Variants in TMEM107 observed in about 807,000 individuals in gnomAD.
TMEM107 encodes the protein transmembrane protein 107.
In TMEM107, 18 loss-of-function variants were observed where a neutral mutation model predicts 16.8. The observed-to-expected ratio is 1.07, with a 90% confidence interval of 0.74 to 1.59. The LOEUF is 1.59. Among genes scored for constraint, TMEM107 ranks in the 40% most tolerant of loss-of-function variants. TMEM107 has a pLI of 0.00. For synonymous variants in TMEM107, 68 were observed against 71.6 expected (o/e 0.95, Z 0.25); for missense variants, 152 against 175.4 (o/e 0.87, Z 0.75).
In TMEM107 at chr17:8,173,799, G is replaced by C. The variant is rs995313292; in HGVS notation, c.*404C>G. On this transcript the variant is annotated 3_prime_UTR_variant, in exon 5 of 5. Coordinates refer to ENST00000437139, the MANE Select transcript of TMEM107 (RefSeq NM_183065.4). ...TTCCCAGAATGCTCCGATCAGTTAC[G>C]TGCCGGACGTTCTAACTGTACGCAC... 2 of 525,304 alleles carry C rather than the reference G, an allele frequency of 3.8e-6. No individual in the cohort carries two copies. The highest frequency in any genetic ancestry group is 3.9e-5 in the African/African-American group (2 of 51,860). The allele number at this position is 525,304 out of a possible 1,614,324, so 32.5% of individuals were successfully genotyped here.
At chr17:8,174,821 C>A (rs1983995909) in intron 3 of TMEM107, 1 of 579,590 alleles carries the variant, frequency 1.7e-6, no homozygotes. Flanking sequence ...CAGATCGGAC[C>A]TCAGGCTACC....
Position 8,173,475 on chromosome 17 carries a change from T to C in TMEM107, c.*728A>G, listed in dbSNP as rs569097222. ...AAGAATCAGACAGGAGCAATCAGGG[T>C]GTTGCAAGTCCTGATTACGCAGAGA... is the stretch of plus-strand genomic sequence containing the variant. On this transcript the variant is annotated 3_prime_UTR_variant, in exon 5 of 5. Coordinates refer to ENST00000437139, the MANE Select transcript of TMEM107 (RefSeq NM_183065.4). The C allele has an allele frequency of 1.3e-4, 102 of 764,692 alleles. No homozygotes were observed. Among genetic ancestry groups the C allele is most frequent in the South Asian group, 1.0e-3 (76 of 74,558 alleles). The allele number at this position is 764,692 out of a possible 1,614,324, so 47.4% of individuals were successfully genotyped here.
Position 8,174,090 on chromosome 17 carries a change from A to G in TMEM107, c.*113T>C. 1 of 845,874 alleles carries G rather than the reference A, an allele frequency of 1.2e-6. No homozygotes were observed. The highest frequency in any genetic ancestry group is 2.4e-5 in the East Asian group (1 of 41,346). 52.4% of individuals were successfully genotyped at this position (845,874 alleles called of 1,614,324 possible). ...GTAATTATTCCAACACATATCCTCC[A>G]GCAGAAGCAGTTTCCGAGGGGAAAA... On this transcript the variant is annotated 3_prime_UTR_variant, in exon 5 of 5. Coordinates refer to ENST00000437139, the MANE Select transcript of TMEM107 (RefSeq NM_183065.4).
In TMEM107 at chr17:8,173,135, G is replaced by A. The variant is rs1299123834; in HGVS notation, c.*1068C>T. The A allele has an allele frequency of 1.9e-5, 5 of 267,904 alleles. No homozygotes were observed. Among genetic ancestry groups the A allele is most frequent in the Middle Eastern group, 1.2e-3 (1 of 842 alleles). 16.6% of individuals were successfully genotyped at this position (267,904 alleles called of 1,614,324 possible). On this transcript the variant is annotated 3_prime_UTR_variant, in exon 5 of 5. Transcript: ENST00000437139. ...CAGTTCCTATTGAATACCATCCTGA[G>A]GGCAACCACCATGTGCACAAGACTG...
At position 8,174,178 on chromosome 17, in the gene TMEM107, C is replaced by T; in HGVS notation, c.*25G>A. The T allele has an allele frequency of 6.2e-7, 1 of 1,611,150 alleles. No individual in the cohort carries two copies. Among genetic ancestry groups the T allele is most frequent in the Non-Finnish European group, 8.5e-7 (1 of 1,177,290 alleles). The stretch of plus-strand genomic sequence containing the variant: ...CGGCCCTTGCCCCTGTAGGCTTCGT[C>T]CTTAGGTTCCCGTCATGAAGGTAAT... On this transcript the variant is annotated 3_prime_UTR_variant, in exon 5 of 5. Coordinates refer to ENST00000437139, the MANE Select transcript of TMEM107 (RefSeq NM_183065.4).
chr17:8,175,901 T>A, intron 2 of TMEM107, 44 bp from the exon 3 acceptor site: 3 of 1,614,094 alleles, frequency 1.9e-6, no homozygotes, highest in Non-Finnish European at 1.7e-6. Context: ...GGACTTATTC[T>A]AAGACCCCTC....
intron 3 of TMEM107, 173 bp from the exon 4 acceptor site, chr17:8,174,789 G>A (rs576347969): frequency 3.1e-6 from 2 of 635,838 alleles, no homozygotes; most frequent in Admixed American, 5.1e-5. Context: ...AGTCATGTGA[G>A]GAGAGACCAG....
At position 8,173,639 on chromosome 17, in the gene TMEM107, G is replaced by C. The variant is rs567583790; in HGVS notation, c.*564C>G. Reference sequence around the variant, plus strand: ...CTCAGTGAAAAAGATTCCGTTACAAGCTAGGGTGAGTTCATAACGCGCTGG... The same window carrying C: ...CTCAGTGAAAAAGATTCCGTTACAACCTAGGGTGAGTTCATAACGCGCTGG... On this transcript the variant is annotated 3_prime_UTR_variant, in exon 5 of 5. Coordinates refer to ENST00000437139, the MANE Select transcript of TMEM107 (RefSeq NM_183065.4). 5.4e-6 allele frequency: 4 copies of C among 738,014 alleles called. No homozygotes were observed. Among genetic ancestry groups the C allele is most frequent in the Non-Finnish European group, 1.0e-5 (4 of 400,208 alleles). The allele number at this position is 738,014 out of a possible 1,614,324, so 45.7% of individuals were successfully genotyped here.
intron 4 of TMEM107, 65 bp from the exon 5 acceptor site, chr17:8,174,337 G>T: frequency 6.7e-7 from 1 of 1,487,148 alleles, no homozygotes; most frequent in South Asian, 1.1e-5. Flanking sequence ...CCAAACCAGA[G>T]ACCCCACCTC....
rs1007785709 is a variant in TMEM107 at position 8,172,938 on chromosome 17, G to C, written c.*1265C>G. Among the ~76,000 whole-genome samples the C allele has an allele frequency of 6.7e-6, 1 of 150,044 alleles. No homozygotes were observed. Among genetic ancestry groups the C allele is most frequent in the Non-Finnish European group, 1.5e-5 (1 of 67,664 alleles). ...GAGAGGTCAATCTCAAGTCTGAAAAGTGACTCTGGATTTGGGAAGAAGTCA... is the reference window on the plus strand; with the variant it reads ...GAGAGGTCAATCTCAAGTCTGAAAACTGACTCTGGATTTGGGAAGAAGTCA... On this transcript the variant is annotated 3_prime_UTR_variant, in exon 5 of 5. Transcript: ENST00000437139.
rs1159996907 is a variant in TMEM107, at chr17:8,172,869, A to C, written c.*1334T>G. Among the ~76,000 whole-genome samples, 3 of 148,286 alleles carry C rather than the reference A, an allele frequency of 2.0e-5. No homozygotes were observed. Among genetic ancestry groups the C allele is most frequent in the Admixed American group, 1.3e-4 (2 of 14,866 alleles). ...TGAGACTGTCTCAAAAAAAAAAAAA[A>C]AAAAAACCAAAAGAGGGGGGTGGTC... is the stretch of plus-strand genomic sequence containing the variant. On this transcript the variant is annotated 3_prime_UTR_variant, in exon 5 of 5. Coordinates refer to ENST00000437139, the MANE Select transcript of TMEM107 (RefSeq NM_183065.4).
Position 8,173,620 on chromosome 17 carries a change from G to C in TMEM107, c.*583C>G, listed in dbSNP as rs1983866821. 1.3e-6 allele frequency: 1 copy of C among 749,644 alleles called. No individual in the cohort carries two copies. The highest frequency in any genetic ancestry group is 2.5e-6 in the Non-Finnish European group (1 of 407,284). 46.4% of individuals were successfully genotyped at this position (749,644 alleles called of 1,614,324 possible). A position where few individuals can be genotyped will look rare whatever the true frequency, so the allele number is the denominator to read the frequency against. On this transcript the variant is annotated 3_prime_UTR_variant, in exon 5 of 5. Coordinates refer to ENST00000437139, the MANE Select transcript of TMEM107 (RefSeq NM_183065.4). Reference sequence around the variant, plus strand: ...AAACAGCCGACATTCTGCACTCAGTGAAAAAGATTCCGTTACAAGCTAGGG... The same window carrying C: ...AAACAGCCGACATTCTGCACTCAGTCAAAAAGATTCCGTTACAAGCTAGGG...
chr17:8,173,960 C>G lies in TMEM107; in HGVS notation c.*243G>C. 1 of 518,564 alleles carries G rather than the reference C, an allele frequency of 1.9e-6. No individual in the cohort carries two copies. The highest frequency in any genetic ancestry group is 3.4e-6 in the Non-Finnish European group (1 of 292,258). The allele number at this position is 518,564 out of a possible 1,614,324, so 32.1% of individuals were successfully genotyped here. On this transcript the variant is annotated 3_prime_UTR_variant, in exon 5 of 5. Coordinates refer to ENST00000437139, the MANE Select transcript of TMEM107 (RefSeq NM_183065.4). ...GTTTTTTTTTTATTCAGTAGTTCAG[C>G]CATCTCAATTGTCCCCTAAAACTGT...
At position 8,176,007 on chromosome 17, in the gene TMEM107, C is replaced by A; in HGVS notation, c.107G>T (p.Cys36Phe). 2.5e-6 allele frequency: 4 copies of A among 1,614,194 alleles called. No homozygotes were observed. The highest frequency in any genetic ancestry group is 3.4e-6 in the Non-Finnish European group (4 of 1,180,038). ...FWSRDSNIQA[C>F]LPLTFTPEEY... ...CTCGGGGGTGAACGTGAGAGGCAGG[C>A]AGGCCTGTATGTTGCTGTCCTGGGA... Residue 36 changes from cysteine to phenylalanine, a missense_variant, in exon 2 of 5, where the codon TGC (cysteine) becomes TTC (phenylalanine). By Grantham distance (205) the Cys-to-Phe change is radical. Transcript: ENST00000437139.
chr17:8,173,438 G>T lies in TMEM107; in HGVS notation c.*765C>A. ...GCTAATCAGCATAACACAAATGTAA[G>T]TGATCGTCAGAAAGAATCAGACAGG... On this transcript the variant is annotated 3_prime_UTR_variant, in exon 5 of 5. Transcript: ENST00000437139. The T allele has an allele frequency of 1.3e-6, 1 of 761,218 alleles. No homozygotes were observed. Among genetic ancestry groups the T allele is most frequent in the Non-Finnish European group, 2.4e-6 (1 of 415,938 alleles). 47.2% of individuals were successfully genotyped at this position (761,218 alleles called of 1,614,324 possible). A position where few individuals can be genotyped will look rare whatever the true frequency, so the allele number is the denominator to read the frequency against.
rs551698259 is a variant in TMEM107 at position 8,173,523 on chromosome 17, T to C, written c.*680A>G. 18 of 765,258 alleles carry C rather than the reference T, an allele frequency of 2.4e-5. No individual in the cohort carries two copies. The highest frequency in any genetic ancestry group is 7.3e-5 in the East Asian group (3 of 41,260). The allele number at this position is 765,258 out of a possible 1,614,324, so 47.4% of individuals were successfully genotyped here. A position where few individuals can be genotyped will look rare whatever the true frequency, so the allele number is the denominator to read the frequency against. ...AGACGTTAATCACGTTTCATGCATC[T>C]CCAATCATCATGTTCTAATCTGCCC... On this transcript the variant is annotated 3_prime_UTR_variant, in exon 5 of 5. Coordinates refer to ENST00000437139, the MANE Select transcript of TMEM107 (RefSeq NM_183065.4).
Position 8,173,022 on chromosome 17 carries a change from A to G in TMEM107, c.*1181T>C, listed in dbSNP as rs1203909268. ...TAGATTTTTAACAACCAACTCTCCAAAAACAAATGTATCCATGTATATACA... is the reference window on the plus strand; with the variant it reads ...TAGATTTTTAACAACCAACTCTCCAGAAACAAATGTATCCATGTATATACA... On this transcript the variant is annotated 3_prime_UTR_variant, in exon 5 of 5. Transcript: ENST00000437139. Among the ~76,000 whole-genome samples, 1 of 152,086 alleles carries G rather than the reference A, an allele frequency of 6.6e-6. No homozygotes were observed. Among genetic ancestry groups the G allele is most frequent in the Non-Finnish European group, 1.5e-5 (1 of 68,026 alleles).
Position 8,175,940 on chromosome 17 carries a change from C to T in TMEM107, c.155+19G>A. The stretch of plus-strand genomic sequence containing the variant: ...TCCCACCACCTCTTCGTTCTGGCCA[C>T]CCCGTCCCAAGAGCTCACTGAATGT... On this transcript the variant is annotated intron_variant, in intron 2 of 4. Transcript: ENST00000437139. The T allele has an allele frequency of 6.2e-7, 1 of 1,614,248 alleles. No homozygotes were observed. Among genetic ancestry groups the T allele is most frequent in the Non-Finnish European group, 8.5e-7 (1 of 1,180,042 alleles).
rs575049584 is a variant in TMEM107 at position 8,173,392 on chromosome 17, T to C, written c.*811A>G. The stretch of plus-strand genomic sequence containing the variant: ...CAAGGTTATCCCAGTCAGAACTTCA[T>C]AGCTATGTTTGTGGATATCTGCTAA... On this transcript the variant is annotated 3_prime_UTR_variant, in exon 5 of 5. Transcript: ENST00000437139. The C allele has an allele frequency of 1.4e-4, 96 of 704,186 alleles. No individual in the cohort carries two copies. Among genetic ancestry groups the C allele is most frequent in the Admixed American group, 6.6e-4 (36 of 54,454 alleles). The allele number at this position is 704,186 out of a possible 1,614,324, so 43.6% of individuals were successfully genotyped here.
Sources: allele counts gnomAD v4.1 joint callset (sites outside exome capture counted in the v4.1 genomes callset), GRCh38; gene constraint gnomAD v4.1.1; transcripts MANE v1.5; gene names NCBI Gene and HGNC (gene_info 2026-07-23, HGNC 2026-07-21).